ZNF521: variants seen among roughly 807,000 people sequenced by gnomAD.
ZNF521 encodes LYST-interacting protein 3.
ZNF521 carries 14 observed loss-of-function variants against 105.5 expected under a neutral mutation model. The observed-to-expected ratio is 0.13, with a 90% CI of 0.09 to 0.21. The LOEUF is 0.21. Ranked by LOEUF, ZNF521 falls within the 10% of genes least tolerant of loss-of-function variation. The probability of loss-of-function intolerance (pLI) is 1.00; values close to 1 mark genes in which losing one functional copy is unlikely to be tolerated. For missense variants in ZNF521, 1,233 were observed against 1,629.7 expected (o/e 0.76, Z 4.19); for synonymous variants, 635 against 606.0 (o/e 1.05, Z -0.70).
rs146498270 is a variant in ZNF521 at position 25,339,691 on chromosome 18, G to C, written c.40+11216C>G. 1.2e-3 allele frequency among the ~76,000 whole-genome samples: 188 copies of C among 152,234 alleles called. 1 individual carries two copies. The highest frequency in any genetic ancestry group is 4.5e-3 in the African/African-American group (185 of 41,544). On this transcript the variant is annotated intron_variant, in intron 2 of 7. Coordinates refer to ENST00000361524, the MANE Select transcript of ZNF521 (RefSeq NM_015461.3). ...CTACATTTGTTTGTCTACATTGTAG[G>C]TTACGGGGATTCAAAGAAAAGGGAC...
Position 25,226,409 on chromosome 18 carries a change from T to C in ZNF521, c.1509A>G (p.Ala503=), listed in dbSNP as rs772050341. 6.2e-7 allele frequency: 1 copy of C among 1,614,174 alleles called. No individual in the cohort carries two copies. The highest frequency in any genetic ancestry group is 1.1e-5 in the South Asian group (1 of 91,082). Residue 503 remains alanine, a synonymous_variant, in exon 4 of 8, where the codon GCA becomes GCG. Coordinates refer to ENST00000361524, the MANE Select transcript of ZNF521 (RefSeq NM_015461.3). The surrounding 1 kb of genome is among the most constrained non-coding windows in gnomAD (Gnocchi z 4.1). ...QEHIRCSHGF[A]NPAAKDSNAF... Reference sequence around the variant, plus strand: ...CATTACTATCTTTAGCTGCAGGGTTTGCAAATCCATGAGAACATCGGATGT... The same window carrying C: ...CATTACTATCTTTAGCTGCAGGGTTCGCAAATCCATGAGAACATCGGATGT...
At chr18:25,338,195 T>A (rs1333238153) in intron 2 of ZNF521, among the ~76,000 whole-genome samples, 1 of 151,932 alleles carries the variant, frequency 6.6e-6, no homozygotes. Context: ...CATCTCACTC[T>A]GACCTTTCTT....
At chr18:25,193,270 G>C (rs1032268131) in intron 5 of ZNF521, among the ~76,000 whole-genome samples, 1 of 152,108 alleles carries the variant, frequency 6.6e-6, no homozygotes, top group Non-Finnish European at 1.5e-5. Flanking sequence ...AAAAAGTCCT[G>C]TTATGCTGAA....
chr18:25,082,262 G>T (rs2033512468), intron 7 of ZNF521, among the ~76,000 whole-genome samples: 1 of 152,214 alleles, frequency 6.6e-6, no homozygotes, highest in African/African-American at 2.4e-5. Flanking sequence ...TGTGCTTAAG[G>T]GCTGCGATTT....
rs530346246 is a variant in ZNF521, at chr18:25,328,743, C to A, written c.41-6556G>T. ...AATTTTTTGTATTTTTAGTAGAGAC[C>A]AGGTTTCACCATGTTAGCCAGGATG... On this transcript the variant is annotated intron_variant, in intron 2 of 7. Coordinates refer to ENST00000361524, the MANE Select transcript of ZNF521 (RefSeq NM_015461.3). 3.3e-5 allele frequency among the ~76,000 whole-genome samples: 5 copies of A among 151,802 alleles called. No homozygotes were observed. In the East Asian group the frequency reaches 9.7e-4, roughly 30 times the overall value.
At chr18:25,105,993 G>A (rs1057095468) in intron 5 of ZNF521, among the ~76,000 whole-genome samples, 5 of 152,014 alleles carry the variant, frequency 3.3e-5, no homozygotes, top group African/African-American at 1.2e-4. Flanking sequence ...GTTTCATTAA[G>A]GCCAAAAATG....
chr18:25,234,713 A>T (rs1415632960), intron 3 of ZNF521, among the ~76,000 whole-genome samples: 2 of 152,220 alleles, frequency 1.3e-5, no homozygotes, highest in Non-Finnish European at 2.9e-5. Flanking sequence ...GATAAGTGGT[A>T]AATGATAACT....
chr18:25,346,930 T>C (rs1708422763), intron 2 of ZNF521, among the ~76,000 whole-genome samples: 1 of 152,224 alleles, frequency 6.6e-6, no homozygotes, highest in Non-Finnish European at 1.5e-5. Flanking sequence ...ACTTGGCTCT[T>C]ACTGAATATA....
At chr18:25,262,498 C>T (rs1207812489) in intron 3 of ZNF521, among the ~76,000 whole-genome samples, 2 of 152,158 alleles carry the variant, frequency 1.3e-5, no homozygotes, top group Non-Finnish European at 2.9e-5. Flanking sequence ...TTATCCACAT[C>T]TTAGCATGAA....
chr18:25,221,925 G>A (rs1160713654), intron 4 of ZNF521, among the ~76,000 whole-genome samples: 3 of 151,696 alleles, frequency 2.0e-5, no homozygotes, highest in African/African-American at 7.3e-5. Context: ...TAAATAATAT[G>A]GTATATTGTA....
chr18:25,309,455 G>C (rs1912174712), intron 3 of ZNF521, among the ~76,000 whole-genome samples: 1 of 152,114 alleles, frequency 6.6e-6, no homozygotes, highest in Non-Finnish European at 1.5e-5. Flanking sequence ...GAAAAGTGTA[G>C]AAAACTATTC....
chr18:25,123,380 A>C (rs1445819513), intron 5 of ZNF521, among the ~76,000 whole-genome samples: 1 of 152,178 alleles, frequency 6.6e-6, no homozygotes, highest in Admixed American at 6.5e-5. Flanking sequence ...ACATAAGGAC[A>C]AAAGGGAAAG....
chr18:25,271,125 T>G (rs1374316349), intron 3 of ZNF521, among the ~76,000 whole-genome samples: 2 of 152,042 alleles, frequency 1.3e-5, no homozygotes, highest in Non-Finnish European at 2.9e-5. Context: ...TATACACCAA[T>G]AACAGACAAA....
At chr18:25,259,649 T>C (rs1000472825) in intron 3 of ZNF521, among the ~76,000 whole-genome samples, 1 of 151,986 alleles carries the variant, frequency 6.6e-6, no homozygotes, top group Non-Finnish European at 1.5e-5. Flanking sequence ...CATCCACGCA[T>C]TGGGCAATAA....
At chr18:25,300,763 G>A (rs1316473475) in intron 3 of ZNF521, among the ~76,000 whole-genome samples, 1 of 152,134 alleles carries the variant, frequency 6.6e-6, no homozygotes, top group Non-Finnish European at 1.5e-5. Context: ...TTTCAGTAAG[G>A]ATAGAAAAAA....
At chr18:25,341,868 A>G (rs1460106409) in intron 2 of ZNF521, among the ~76,000 whole-genome samples, 1 of 152,228 alleles carries the variant, frequency 6.6e-6, no homozygotes, top group Non-Finnish European at 1.5e-5. Context: ...AGGCTTATAT[A>G]TCTGTTTGGT....
At chr18:25,334,700 G>A (rs1386462107) in intron 2 of ZNF521, among the ~76,000 whole-genome samples, 3 of 152,062 alleles carry the variant, frequency 2.0e-5, no homozygotes, top group Non-Finnish European at 4.4e-5. Context: ...CTCCAGAAGG[G>A]GAAATATTTT....
At chr18:25,342,154 T>C (rs1340033396) in intron 2 of ZNF521, among the ~76,000 whole-genome samples, 3 of 152,148 alleles carry the variant, frequency 2.0e-5, no homozygotes, top group African/African-American at 7.2e-5. Flanking sequence ...TAACTGTTTG[T>C]TTTTATTTTC....
intron 5 of ZNF521, among the ~76,000 whole-genome samples, chr18:25,113,266 G>A (rs1241579292): frequency 1.3e-5 from 2 of 152,062 alleles, no homozygotes; most frequent in Non-Finnish European, 2.9e-5. Context: ...GCCCAGCCTA[G>A]CTTGCAACAG....
Sources: gnomAD v4.1 joint callset for allele counts (sites outside exome capture counted in the v4.1 genomes callset) on GRCh38, gnomAD v4.1.1 for gene constraint, Gnocchi (gnomAD v3.1) non-coding constraint, MANE v1.5 for transcripts, NCBI Gene and HGNC (gene_info 2026-07-23, HGNC 2026-07-21) for gene names.